Variants in POLA1 observed in about 807,000 individuals in gnomAD.
POLA1 encodes DNA polymerase alpha catalytic subunit.
Under a neutral mutation model 124.0 loss-of-function variants are expected in POLA1, and 15 were observed. The ratio of observed to expected loss-of-function variants is 0.12; its 90% CI spans 0.08 to 0.19. The LOEUF (loss-of-function observed/expected upper bound fraction) is 0.19, where lower values mean the gene tolerates loss of function less well. Ranked by LOEUF, POLA1 falls within the 10% of genes least tolerant of loss-of-function variation. The pLI is 1.00. For missense variants in POLA1, 886 were observed against 1,103.4 expected (o/e 0.80, Z 2.79); for synonymous variants, 408 against 389.4 (o/e 1.05, Z -0.56).
At chrX:24,870,083 G>A (rs754782422) in intron 34 of POLA1, among the ~76,000 whole-genome samples, 1 of 112,014 alleles carries the variant, frequency 8.9e-6, no homozygotes, top group African/African-American at 3.2e-5. Flanking sequence ...TGTAAGCTGG[G>A]CCAGAAGAAG....
chrX:24,801,150 C>T (rs2045698007), intron 26 of POLA1, among the ~76,000 whole-genome samples: 1 of 112,096 alleles, frequency 8.9e-6, no homozygotes, highest in African/African-American at 3.2e-5. Context: ...AAATTCTTTT[C>T]TCTTGAGTGA....
intron 34 of POLA1, 116 bp downstream of exon 34, chrX:24,843,793 A>G (rs1172976084): frequency 2.7e-5 from 10 of 366,096 alleles, no homozygotes; most frequent in Non-Finnish European, 4.1e-5. Flanking sequence ...TCCTAGTGAA[A>G]TACTATTAAT....
In POLA1 at chrX:24,743,316, G is replaced by T; in HGVS notation, c.2553G>T (p.Leu851Phe). ...CAGCTTATGCTGGAGGCTTGGTTTT[G>T]GACCCCAAAGTTGGTAAGGCTGGGC... ...KKAAYAGGLV[L>F]DPKVGFYDKF... Residue 851 changes from leucine to phenylalanine, a missense_variant, in exon 23 of 37, where the codon TTG becomes TTT. By Grantham distance (22) the Leu-to-Phe change is conservative (BLOSUM62 0). This residue lies in a region of POLA1 where 182 missense variants were observed against 252.8 expected (regional missense o/e 0.72). Coordinates refer to ENST00000379068, the MANE Select transcript of POLA1 (RefSeq NM_001330360.2). The T allele has an allele frequency of 8.9e-7, 1 of 1,125,646 alleles. No individual in the cohort carries two copies. Among genetic ancestry groups the T allele is most frequent in the Non-Finnish European group, 1.2e-6 (1 of 821,307 alleles). 92.8% of individuals were successfully genotyped at this position (1,125,646 alleles called of 1,213,427 possible). A position where few individuals can be genotyped will look rare whatever the true frequency, so the allele number is the denominator to read the frequency against.
At chrX:24,769,546 G>A (rs1215191903) in intron 26 of POLA1, among the ~76,000 whole-genome samples, 1 of 111,562 alleles carries the variant, frequency 9.0e-6, no homozygotes, top group Non-Finnish European at 1.9e-5. Context: ...TTTCCAAAGA[G>A]TAGTCATAAG....
At chrX:24,984,801 A>G (rs2048462715) in intron 36 of POLA1, among the ~76,000 whole-genome samples, 1 of 108,054 alleles carries the variant, frequency 9.3e-6, no homozygotes, top group African/African-American at 3.4e-5. Flanking sequence ...CTGGGACTAC[A>G]GGCGCCCGCC....
intron 36 of POLA1, among the ~76,000 whole-genome samples, chrX:24,992,876 G>A (rs2048551043): frequency 8.9e-6 from 1 of 112,508 alleles, no homozygotes; most frequent in Admixed American, 9.4e-5. Flanking sequence ...ATATAGAAAA[G>A]AATGTAACTT....
chrX:24,701,329 G>T (rs751416709), intron 2 of POLA1, among the ~76,000 whole-genome samples: 9 of 111,191 alleles, frequency 8.1e-5, no homozygotes, highest in Non-Finnish European at 1.5e-4. Flanking sequence ...AATCCAGTCA[G>T]CTCTGGCCAC....
intron 32 of POLA1, among the ~76,000 whole-genome samples, chrX:24,828,324 G>A (rs1379097877): frequency 8.9e-6 from 1 of 112,528 alleles, no homozygotes; most frequent in Non-Finnish European, 1.9e-5. Flanking sequence ...ATTTTACAGA[G>A]GAAGAAGCCA....
chrX:24,860,006 C>G (rs2046696305), intron 34 of POLA1, among the ~76,000 whole-genome samples: 1 of 112,361 alleles, frequency 8.9e-6, no homozygotes, highest in African/African-American at 3.2e-5. Context: ...TTCTGTGTTT[C>G]TAGCTTGTTC....
At chrX:24,885,152 A>G (rs2047049761) in intron 34 of POLA1, among the ~76,000 whole-genome samples, 2 of 112,456 alleles carry the variant, frequency 1.8e-5, no homozygotes, top group African/African-American at 6.5e-5. Flanking sequence ...TTGGAACTGA[A>G]TAATTTCTTA....
In POLA1 at chrX:24,890,717, C is replaced by T. The variant is rs762768213; in HGVS notation, c.4164+2595C>T. On this transcript the variant is annotated intron_variant, in intron 35 of 36. Coordinates refer to ENST00000379068, the MANE Select transcript of POLA1 (RefSeq NM_001330360.2). ...TATTTTTTAAAACTAATTTGATCAG[C>T]ATAAAAAGTTCCTTGCCCTTTTTTT... is the stretch of plus-strand genomic sequence containing the variant. Among the ~76,000 whole-genome samples the T allele has an allele frequency of 2.7e-5, 3 of 112,548 alleles. No individual in the cohort carries two copies. The South Asian group carries it at 1.1e-3, about 41-fold the overall frequency.
chrX:24,702,523 C>T (rs904801564), intron 2 of POLA1, among the ~76,000 whole-genome samples: 6 of 112,256 alleles, frequency 5.3e-5, no homozygotes, highest in African/African-American at 1.9e-4. Context: ...CTGCTTTACT[C>T]ATACCAGTAG....
intron 32 of POLA1, among the ~76,000 whole-genome samples, chrX:24,833,772 C>T: frequency 8.9e-6 from 1 of 111,924 alleles, no homozygotes; most frequent in Non-Finnish European, 1.9e-5. Flanking sequence ...ACAGAGTTAC[C>T]ATCTTTTCTC....
chrX:24,772,986 A>G (rs2045069463), intron 26 of POLA1, among the ~76,000 whole-genome samples: 1 of 111,866 alleles, frequency 8.9e-6, no homozygotes, highest in Non-Finnish European at 1.9e-5. Context: ...CATGATAGAT[A>G]TACTCATTTC....
chrX:24,812,281 G>A (rs950991472), intron 28 of POLA1, among the ~76,000 whole-genome samples: 9 of 112,366 alleles, frequency 8.0e-5, no homozygotes, highest in African/African-American at 1.6e-4. Context: ...TTGTTGGACT[G>A]TCTATTCACT....
intron 36 of POLA1, among the ~76,000 whole-genome samples, chrX:24,951,997 G>A (rs903099862): frequency 4.5e-5 from 5 of 111,954 alleles, no homozygotes; most frequent in African/African-American, 1.6e-4. Flanking sequence ...CCACTCGCAT[G>A]CAAAACTCAT....
intron 34 of POLA1, among the ~76,000 whole-genome samples, chrX:24,878,692 T>C (rs948913484): frequency 9.1e-6 from 1 of 109,490 alleles, no homozygotes; most frequent in Non-Finnish European, 1.9e-5. Flanking sequence ...GAATTGCTTA[T>C]GTGATTAAAT....
At chrX:24,986,986 A>G (rs762158133) in intron 36 of POLA1, among the ~76,000 whole-genome samples, 1 of 111,303 alleles carries the variant, frequency 9.0e-6, no homozygotes, top group Admixed American at 9.6e-5. Context: ...TCCCTTGGGT[A>G]TGGCCTGGAC....
intron 36 of POLA1, among the ~76,000 whole-genome samples, chrX:24,975,860 A>T (rs746895250): frequency 8.9e-6 from 1 of 112,542 alleles, no homozygotes; most frequent in Non-Finnish European, 1.9e-5. Context: ...CTCAGAATAC[A>T]GTGGTATTAG....
Sources: gnomAD v4.1 joint callset for allele counts (sites outside exome capture counted in the v4.1 genomes callset) on GRCh38, gnomAD v4.1.1 for gene constraint, gnomAD v4.1.1 regional missense constraint, MANE v1.5 for transcripts, NCBI Gene and HGNC (gene_info 2026-07-23, HGNC 2026-07-21) for gene names.